Variants in DPP10 observed in about 807,000 individuals in gnomAD.
DPP10 encodes the protein inactive dipeptidyl peptidase 10.
In DPP10, 33 loss-of-function variants were observed where a neutral mutation model predicts 120.9. The observed-to-expected ratio is 0.27, with a 90% confidence interval of 0.21 to 0.37. DPP10 has a LOEUF of 0.37. DPP10 is among the 10% of genes least tolerant of loss of function. The pLI is 1.00. For missense variants in DPP10, 816 were observed against 942.8 expected, an observed-to-expected ratio of 0.87 and a Z score of 1.76; for synonymous variants, 337 against 326.1, an observed-to-expected ratio of 1.03 and a Z score of -0.36.
In DPP10 at chr2:115,800,278, GGTT is replaced by G. The variant is rs1383849974; in HGVS notation, c.1700+8926_1700+8928del. On this transcript the variant is annotated intron_variant, in intron 19 of 25. Coordinates refer to ENST00000410059, the MANE Select transcript of DPP10 (RefSeq NM_020868.6). Reference sequence around the variant, plus strand: ...ATGTCCTTCGCCCACTTTTTGATGGGGTTGTTTGTTTTTTTCTTGTAAATTTGT... The same window carrying G: ...ATGTCCTTCGCCCACTTTTTGATGGGGTTTGTTTTTTTCTTGTAAATTTGT... Among the ~76,000 whole-genome samples the G allele has an allele frequency of 9.9e-5, 15 of 151,552 alleles. No individual in the cohort carries two copies. The East Asian group carries it at 2.7e-3, about 27-fold the overall frequency.
intron 1 of DPP10, among the ~76,000 whole-genome samples, chr2:114,756,897 G>A (rs1427350035): frequency 6.6e-6 from 1 of 152,092 alleles, no homozygotes; most frequent in African/African-American, 2.4e-5. Flanking sequence ...AAAGAGTTAA[G>A]GAAGCCCCGT....
chr2:115,171,169 T>C (rs1175443114), intron 1 of DPP10, among the ~76,000 whole-genome samples: 1 of 152,072 alleles, frequency 6.6e-6, no homozygotes, highest in Non-Finnish European at 1.5e-5. Flanking sequence ...GAGACCAGGC[T>C]GGCCAACATG....
chr2:114,962,411 G>A (rs147108659), intron 1 of DPP10, among the ~76,000 whole-genome samples: 3 of 152,248 alleles, frequency 2.0e-5, no homozygotes, highest in Admixed American at 6.5e-5. Flanking sequence ...CATGGGCATC[G>A]GGCAAGGGAA....
At chr2:114,838,813 C>A (rs1687938913) in intron 1 of DPP10, among the ~76,000 whole-genome samples, 1 of 151,988 alleles carries the variant, frequency 6.6e-6, no homozygotes, top group African/African-American at 2.4e-5. Flanking sequence ...GTAGACTGAC[C>A]CACACTTTTC....
chr2:115,286,793 C>T (rs2060424080), intron 1 of DPP10, among the ~76,000 whole-genome samples: 1 of 151,372 alleles, frequency 6.6e-6, no homozygotes, highest in Non-Finnish European at 1.5e-5. Flanking sequence ...AGAACATGAT[C>T]ACTGAGAAAG....
intron 1 of DPP10, among the ~76,000 whole-genome samples, chr2:115,230,591 G>T (rs1490769654): frequency 2.0e-5 from 3 of 151,818 alleles, no homozygotes; most frequent in Non-Finnish European, 2.9e-5. Context: ...TAATTGAAGA[G>T]CTTTTTATTT....
At chr2:115,321,846 G>T (rs1474161073) in intron 2 of DPP10, among the ~76,000 whole-genome samples, 1 of 151,980 alleles carries the variant, frequency 6.6e-6, no homozygotes, top group African/African-American at 2.4e-5. Flanking sequence ...TAAGTTCTTA[G>T]ACTTTTAAGC....
chr2:115,585,666 T>C (rs2082246114), intron 5 of DPP10, among the ~76,000 whole-genome samples: 2 of 152,214 alleles, frequency 1.3e-5, no homozygotes, highest in Admixed American at 1.3e-4. Context: ...TATAATCCAT[T>C]GGTATCTTCC....
intron 5 of DPP10, among the ~76,000 whole-genome samples, chr2:115,543,532 G>T (rs1175706515): frequency 6.6e-6 from 1 of 151,882 alleles, no homozygotes; most frequent in African/African-American, 2.4e-5. Context: ...CTAGATATTT[G>T]ATTTCTTTAA....
rs147502154 is a variant in DPP10 at position 115,702,255 on chromosome 2, T to C, written c.576+12334T>C. Among the ~76,000 whole-genome samples, 648 of 152,110 alleles carry C rather than the reference T, an allele frequency of 4.3e-3. 6 individuals are homozygous for C. Among genetic ancestry groups the C allele is most frequent in the African/African-American group, 0.015 (624 of 41,508 alleles). On this transcript the variant is annotated intron_variant, in intron 7 of 25. Coordinates refer to ENST00000410059, the MANE Select transcript of DPP10 (RefSeq NM_020868.6). Reference sequence around the variant, plus strand: ...AACCCTCAGAGAGTGCTGGTGGGCATTTAAAATGGTACAGCCTCTTTGGAA... The same window carrying C: ...AACCCTCAGAGAGTGCTGGTGGGCACTTAAAATGGTACAGCCTCTTTGGAA...
chr2:114,748,338 C>CTTTTTTTTTTTTTTTTTTTTTTTTTTTT (rs1255227047), intron 1 of DPP10, among the ~76,000 whole-genome samples: 1 of 70,322 alleles, frequency 1.4e-5, no homozygotes. Context: ...AGGGAATTTT[C>CTTTTTTTTTTTTTTTTTTTTTTTTTTTT]TTTTTTTTTT....
chr2:114,688,287 A>G (rs944195803), intron 1 of DPP10, among the ~76,000 whole-genome samples: 14 of 152,012 alleles, frequency 9.2e-5, no homozygotes, highest in African/African-American at 3.4e-4. Context: ...CCTGAATCTA[A>G]AATATAAAAA....
intron 5 of DPP10, among the ~76,000 whole-genome samples, chr2:115,632,149 C>T (rs1012882491): frequency 6.6e-6 from 1 of 152,096 alleles, no homozygotes; most frequent in African/African-American, 2.4e-5. Flanking sequence ...TGAATTGAAC[C>T]CTTTAGCATT....
intron 1 of DPP10, among the ~76,000 whole-genome samples, chr2:115,201,988 T>A (rs929081912): frequency 2.0e-5 from 3 of 152,208 alleles, no homozygotes; most frequent in African/African-American, 7.2e-5. Context: ...GGGTACTGCA[T>A]GATTCAGGGT....
intron 1 of DPP10, among the ~76,000 whole-genome samples, chr2:114,809,079 T>C (rs533722304): frequency 6.6e-6 from 1 of 152,330 alleles, no homozygotes; most frequent in Non-Finnish European, 1.5e-5. Context: ...TAATAGGTGT[T>C]ATGTTTTTTA....
At chr2:115,418,079 G>C (rs905116946) in intron 3 of DPP10, among the ~76,000 whole-genome samples, 1 of 152,166 alleles carries the variant, frequency 6.6e-6, no homozygotes, top group Admixed American at 6.6e-5. Flanking sequence ...AAAGTCAGTA[G>C]TGTGAAGAGA....
intron 1 of DPP10, among the ~76,000 whole-genome samples, chr2:115,096,179 A>T (rs1330286562): frequency 6.6e-6 from 1 of 152,150 alleles, no homozygotes; most frequent in African/African-American, 2.4e-5. Context: ...TGGGTCATAC[A>T]ATTTCTTACA....
At chr2:115,624,781 T>C (rs1320010566) in intron 5 of DPP10, among the ~76,000 whole-genome samples, 1 of 152,192 alleles carries the variant, frequency 6.6e-6, no homozygotes, top group Non-Finnish European at 1.5e-5. Context: ...ATGAAAATAC[T>C]AATAGTGCCC....
intron 1 of DPP10, among the ~76,000 whole-genome samples, chr2:114,752,407 C>G (rs1679319108): frequency 6.6e-6 from 1 of 152,154 alleles, no homozygotes; most frequent in Admixed American, 6.5e-5. Flanking sequence ...TGAAACAAAG[C>G]AAAAGAAAAT....
Sources: allele counts gnomAD v4.1 joint callset (sites outside exome capture counted in the v4.1 genomes callset), GRCh38; gene constraint gnomAD v4.1.1; transcripts MANE v1.5; gene names NCBI Gene and HGNC (gene_info 2026-07-23, HGNC 2026-07-21).